Variants in CNIH3 observed in about 807,000 individuals in gnomAD.
CNIH3 encodes protein cornichon homolog 3.
Under a neutral mutation model 24.1 loss-of-function variants are expected in CNIH3, and 14 were observed. The observed-to-expected ratio is 0.58, with a 90% CI of 0.38 to 0.91. CNIH3 has a LOEUF of 0.91. CNIH3 is among the 40% of genes least tolerant of loss of function. The probability of loss-of-function intolerance (pLI) is 0.00; values close to 1 mark genes in which losing one functional copy is unlikely to be tolerated. For missense variants in CNIH3, 178 were observed against 196.8 expected (o/e 0.90, Z 0.57); for synonymous variants, 68 against 73.8 (o/e 0.92, Z 0.40).
At chr1:224,672,455 C>T (rs1340350377) in intron 1 of CNIH3, among the ~76,000 whole-genome samples, 1 of 152,170 alleles carries the variant, frequency 6.6e-6, no homozygotes, top group African/African-American at 2.4e-5. Context: ...GGAATTTATT[C>T]TCTCAAAGTT....
downstream of CNIH3, among the ~76,000 whole-genome samples, chr1:224,588,867 G>A (rs1171455513): frequency 7.5e-6 from 1 of 133,684 alleles, no homozygotes; most frequent in East Asian, 2.5e-4. Flanking sequence ...TTTGGAACCT[G>A]CTGTGGGAGT....
intron 1 of CNIH3, among the ~76,000 whole-genome samples, chr1:224,457,611 A>G (rs1362629034): frequency 2.0e-5 from 3 of 148,850 alleles, no homozygotes; most frequent in African/African-American, 5.0e-5. Flanking sequence ...GAATCCTGTT[A>G]AGGGAGGAAT....
intron 3 of CNIH3, among the ~76,000 whole-genome samples, chr1:224,565,202 T>C (rs1680531282): frequency 6.6e-6 from 1 of 152,136 alleles, no homozygotes. Flanking sequence ...TGTATGTCTC[T>C]GTCTAATAGG....
At chr1:224,663,984 C>T (rs1179517194) in intron 1 of CNIH3, among the ~76,000 whole-genome samples, 1 of 152,206 alleles carries the variant, frequency 6.6e-6, no homozygotes, top group African/African-American at 2.4e-5. Flanking sequence ...AGTCCTGTTG[C>T]TTGCTGCACA....
At position 224,610,625 on chromosome 1, in the gene CNIH3, A is replaced by C. The variant is rs998699129; in HGVS notation, n.402+44361A>C. ...TTACCCAGTCTCAGGTAGTATCTTTATAGCAGTGTGAAAACAGACTAATGC... is the reference window on the plus strand; with the variant it reads ...TTACCCAGTCTCAGGTAGTATCTTTCTAGCAGTGTGAAAACAGACTAATGC... On this transcript the variant is annotated intron_variant and non_coding_transcript_variant, in intron 3 of 7. Coordinates refer to the CNIH3 transcript ENST00000478120. Among the ~76,000 whole-genome samples, 9 of 152,232 alleles carry C rather than the reference A, an allele frequency of 5.9e-5. 1 individual carries two copies. Among genetic ancestry groups the C allele is most frequent in the African/African-American group, 2.2e-4 (9 of 41,454 alleles).
At chr1:224,448,184 C>T (rs1252173039) in intron 1 of CNIH3, among the ~76,000 whole-genome samples, 2 of 152,174 alleles carry the variant, frequency 1.3e-5, no homozygotes, top group Non-Finnish European at 2.9e-5. Context: ...CTGCAATGAG[C>T]TGTGATCGTG....
chr1:224,719,181 TA>T (rs1389247540), intron 3 of CNIH3: 2 of 152,254 alleles, frequency 1.3e-5, no homozygotes, highest in Admixed American at 1.3e-4. Context: ...GGAACAATTT[TA>T]TGGAGAGAGA....
intron 1 of CNIH3, among the ~76,000 whole-genome samples, chr1:224,442,203 G>T (rs368660121): frequency 6.6e-6 from 1 of 151,708 alleles, no homozygotes; most frequent in East Asian, 1.9e-4. Flanking sequence ...TAGAGACAGG[G>T]TCTCCCCATG....
chr1:224,522,928 A>C (rs1011002298), intron 2 of CNIH3, among the ~76,000 whole-genome samples: 2 of 152,206 alleles, frequency 1.3e-5, no homozygotes, highest in Non-Finnish European at 2.9e-5. Flanking sequence ...GCGTATGTGT[A>C]AGAAAAAACA....
At chr1:224,602,864 A>G (rs1474922799) in intron 3 of CNIH3, among the ~76,000 whole-genome samples, 1 of 152,212 alleles carries the variant, frequency 6.6e-6, no homozygotes, top group Admixed American at 6.5e-5. Flanking sequence ...TTGTTAATGT[A>G]GCTTCCTTGG....
intron 2 of CNIH3, among the ~76,000 whole-genome samples, chr1:224,536,492 T>C (rs1558139767): frequency 6.6e-6 from 1 of 151,946 alleles, no homozygotes; most frequent in Non-Finnish European, 1.5e-5. Flanking sequence ...GGTTTCTCCA[T>C]GTTGGTCGGG....
Position 224,567,971 on chromosome 1 carries a change from T to G in CNIH3, n.516+1707T>G, listed in dbSNP as rs1189814368. On this transcript the variant is annotated intron_variant and non_coding_transcript_variant, in intron 4 of 5. Transcript: ENST00000471578. ...ATTATTGGAGTTGAAAGAAAACCAC[T>G]TAGTTTTACTCAAATTTGTTTTAAA... 2.0e-5 allele frequency among the ~76,000 whole-genome samples: 3 copies of G among 152,142 alleles called. No homozygotes were observed. The East Asian group carries it at 5.8e-4, about 29-fold the overall frequency.
At chr1:224,694,458 C>A (rs6695061) in intron 3 of CNIH3, among the ~76,000 whole-genome samples, 9,291 of 152,220 alleles carry the variant, frequency 0.061, 357 homozygotes, top group East Asian at 0.14. Flanking sequence ...TACGACTCCG[C>A]AAGGTAGATT....
intron 2 of CNIH3, among the ~76,000 whole-genome samples, chr1:224,530,012 T>C (rs1345927609): frequency 2.0e-5 from 3 of 152,232 alleles, no homozygotes; most frequent in African/African-American, 7.2e-5. Flanking sequence ...CTGGCATTGC[T>C]GAGCACCTGC....
chr1:224,499,790 A>T (rs2124867203), intron 1 of CNIH3, among the ~76,000 whole-genome samples: 1 of 151,952 alleles, frequency 6.6e-6, no homozygotes, highest in East Asian at 2.0e-4. Flanking sequence ...CTGACTGGGC[A>T]CTGTGGCTCA....
chr1:224,605,554 T>C (rs1278539751), intron 3 of CNIH3, among the ~76,000 whole-genome samples: 1 of 152,226 alleles, frequency 6.6e-6, no homozygotes, highest in Non-Finnish European at 1.5e-5. Context: ...TCCCAGCCAT[T>C]ATTCCAGAGG....
chr1:224,595,933 C>T (rs1019423468), intron 3 of CNIH3, among the ~76,000 whole-genome samples: 2 of 152,170 alleles, frequency 1.3e-5, no homozygotes, highest in South Asian at 2.1e-4. Flanking sequence ...AAGCTAGCAG[C>T]GGCTGGTTTA....
At chr1:224,620,181 A>G (rs1397352354) in intron 1 of CNIH3, among the ~76,000 whole-genome samples, 1 of 152,268 alleles carries the variant, frequency 6.6e-6, no homozygotes, top group Non-Finnish European at 1.5e-5. Flanking sequence ...GAAGCAGAAG[A>G]AAACTAGGTT....
chr1:224,574,417 T>C, intron 4 of CNIH3: 1 of 575,382 alleles, frequency 1.7e-6, no homozygotes. Flanking sequence ...GGTGGGGGTC[T>C]GGAGAGTGCA....
Sources: gnomAD v4.1 joint callset for allele counts (sites outside exome capture counted in the v4.1 genomes callset) on GRCh38, gnomAD v4.1.1 for gene constraint, MANE v1.5 for transcripts, NCBI Gene and HGNC (gene_info 2026-07-23, HGNC 2026-07-21) for gene names.